GRIK1: variants seen among roughly 807,000 people sequenced by gnomAD.
GRIK1 encodes the protein glutamate receptor ionotropic, kainate 1.
In GRIK1, 69 loss-of-function variants were observed where a neutral mutation model predicts 105.7. The ratio of observed to expected loss-of-function variants is 0.65; its 90% CI spans 0.54 to 0.80. GRIK1 has a LOEUF of 0.80. Ranked by LOEUF, GRIK1 falls within the 30% of genes least tolerant of loss-of-function variation. The pLI, the probability that GRIK1 is intolerant of heterozygous loss-of-function variation, is 0.00. For missense variants in GRIK1, 1,109 were observed against 1,167.3 expected (o/e 0.95, Z 0.73); for synonymous variants, 438 against 431.3 (o/e 1.02, Z -0.19).
chr21:29,692,222 C>T (rs1253768886), intron 2 of GRIK1, among the ~76,000 whole-genome samples: 1 of 152,114 alleles, frequency 6.6e-6, no homozygotes, highest in Non-Finnish European at 1.5e-5. Flanking sequence ...TACTTCAGAC[C>T]ACAGGAAAGC....
At chr21:29,775,937 A>G (rs921523906) in intron 1 of GRIK1, among the ~76,000 whole-genome samples, 15 of 152,334 alleles carry the variant, frequency 9.8e-5, no homozygotes, top group African/African-American at 3.6e-4. Context: ...TATAAAGGAA[A>G]GATGTTTAAT....
chr21:29,784,795 T>C (rs997182959), intron 1 of GRIK1, among the ~76,000 whole-genome samples: 4 of 152,236 alleles, frequency 2.6e-5, no homozygotes, highest in African/African-American at 9.6e-5. Flanking sequence ...CAAGTTAAGA[T>C]ACATTTTAGT....
intron 4 of GRIK1, among the ~76,000 whole-genome samples, chr21:29,665,804 A>G (rs989086377): frequency 2.0e-5 from 3 of 152,254 alleles, no homozygotes; most frequent in Non-Finnish European, 4.4e-5. Context: ...TGTGAACATC[A>G]TACTCTGATC....
At chr21:29,594,705 A>G (rs2061379515) in intron 9 of GRIK1, among the ~76,000 whole-genome samples, 2 of 152,212 alleles carry the variant, frequency 1.3e-5, no homozygotes, top group African/African-American at 4.8e-5. Flanking sequence ...GAGAGCCACT[A>G]GTATCTATCT....
intron 1 of GRIK1, among the ~76,000 whole-genome samples, chr21:29,804,076 T>G (rs932117713): frequency 2.6e-5 from 4 of 152,158 alleles, no homozygotes; most frequent in Admixed American, 2.6e-4. Context: ...TGGCATTAGA[T>G]GTCTTGACCC....
At chr21:29,849,472 T>C (rs1033371346) in intron 1 of GRIK1, among the ~76,000 whole-genome samples, 2 of 152,214 alleles carry the variant, frequency 1.3e-5, no homozygotes, top group Admixed American at 1.3e-4. Context: ...CATTGTAGTG[T>C]TGCCTCCTTT....
chr21:29,884,580 A>C (rs2069540897), intron 1 of GRIK1, among the ~76,000 whole-genome samples: 3 of 152,036 alleles, frequency 2.0e-5, no homozygotes, highest in African/African-American at 7.2e-5. Flanking sequence ...ATAAGAAAAC[A>C]TGAAAGTGGG....
Position 29,653,798 on chromosome 21 carries a change from A to G in GRIK1, c.780+1012T>C, listed in dbSNP as rs145910368. On this transcript the variant is annotated intron_variant, in intron 5 of 17. Coordinates refer to ENST00000327783, the MANE Select transcript of GRIK1 (RefSeq NM_001330994.2). ...CCCACTTCCACCCTATGGGAAGACT[A>G]TGCAAACCTTAGTTCAGGAATTTCT... Among the ~76,000 whole-genome samples, 926 of 152,192 alleles carry G rather than the reference A, an allele frequency of 6.1e-3. 9 individuals are homozygous for G. The highest frequency in any genetic ancestry group is 0.021 in the African/African-American group (873 of 41,512).
intron 8 of GRIK1, 89 bp downstream of exon 8, chr21:29,598,741 A>T: frequency 1.6e-6 from 1 of 609,456 alleles, no homozygotes; most frequent in Non-Finnish European, 2.9e-6. Context: ...GAATCACTTC[A>T]TCATTCACCT....
chr21:29,874,943 T>C (rs1396166763), intron 1 of GRIK1, among the ~76,000 whole-genome samples: 1 of 151,986 alleles, frequency 6.6e-6, no homozygotes, highest in Non-Finnish European at 1.5e-5. Context: ...TTATTAAGAA[T>C]GCTTATGGTG....
At chr21:29,645,365 A>T (rs1229731254) in intron 6 of GRIK1, among the ~76,000 whole-genome samples, 1 of 152,162 alleles carries the variant, frequency 6.6e-6, no homozygotes. Flanking sequence ...TTTTTTGAAA[A>T]TTCGTATGTG....
intron 1 of GRIK1, among the ~76,000 whole-genome samples, chr21:29,746,519 C>G (rs1205606491): frequency 6.6e-6 from 1 of 152,238 alleles, no homozygotes; most frequent in Non-Finnish European, 1.5e-5. Flanking sequence ...TTTTCTCTGT[C>G]TACACACATG....
intron 1 of GRIK1, among the ~76,000 whole-genome samples, chr21:29,906,328 T>C (rs1292349311): frequency 6.6e-6 from 1 of 152,198 alleles, no homozygotes; most frequent in African/African-American, 2.4e-5. Context: ...CCTTTACAGA[T>C]CCAGTTAAAT....
intron 4 of GRIK1, among the ~76,000 whole-genome samples, chr21:29,668,423 G>A (rs1037974890): frequency 2.6e-5 from 4 of 152,124 alleles, no homozygotes; most frequent in African/African-American, 7.2e-5. Flanking sequence ...TTTGGCAACC[G>A]CAAGTGCAAA....
intron 4 of GRIK1, among the ~76,000 whole-genome samples, chr21:29,666,310 G>A (rs1248101520): frequency 6.6e-6 from 1 of 152,168 alleles, no homozygotes; most frequent in Non-Finnish European, 1.5e-5. Flanking sequence ...GGCTGAGGCA[G>A]GAGAATCGCT....
chr21:29,580,027 G>A (rs919735835), intron 13 of GRIK1, among the ~76,000 whole-genome samples: 2 of 136,566 alleles, frequency 1.5e-5, no homozygotes, highest in Non-Finnish European at 3.0e-5. Flanking sequence ...GTGTATATAT[G>A]TATATATGTG....
intron 1 of GRIK1, among the ~76,000 whole-genome samples, chr21:29,777,889 G>A (rs556154269): frequency 1.3e-5 from 2 of 152,290 alleles, no homozygotes; most frequent in East Asian, 3.9e-4. Flanking sequence ...GAAGAGTCAA[G>A]GATGATACCT....
In GRIK1 at chr21:29,579,540, A is replaced by T. The variant is rs1298177189; in HGVS notation, c.1912+1885T>A. Among the ~76,000 whole-genome samples, 4 of 152,166 alleles carry T rather than the reference A, an allele frequency of 2.6e-5. No individual in the cohort carries two copies. In the South Asian group the frequency reaches 6.2e-4, roughly 24 times the overall value. On this transcript the variant is annotated intron_variant, in intron 13 of 17. Transcript: ENST00000327783. ...AAGAGAAAGTCTGATCATCACATTT[A>T]AAAAAAATTCAACAAAATGTTTTCC...
chr21:29,543,630 T>C (rs926829856), intron 16 of GRIK1, among the ~76,000 whole-genome samples: 4 of 152,124 alleles, frequency 2.6e-5, no homozygotes. Context: ...AGAGGTTGAG[T>C]GTTGATCACC....
Sources: allele counts gnomAD v4.1 joint callset (sites outside exome capture counted in the v4.1 genomes callset), GRCh38; gene constraint gnomAD v4.1.1; transcripts MANE v1.5; gene names NCBI Gene and HGNC (gene_info 2026-07-23, HGNC 2026-07-21).